The following PGC variants were observed in gnomAD, a reference collection of about 807,000 sequenced individuals.
The protein encoded by PGC is gastricsin.
Under a neutral mutation model 45.9 loss-of-function variants are expected in PGC, and 31 were observed. The observed-to-expected ratio is 0.67, with a 90% CI of 0.51 to 0.91. PGC has a LOEUF of 0.91. Ranked by LOEUF, PGC falls within the 40% of genes least tolerant of loss-of-function variation. The pLI, the probability that PGC is intolerant of heterozygous loss-of-function variation, is 0.00. For synonymous variants in PGC, 192 were observed against 201.8 expected (o/e 0.95, Z 0.41); for missense variants, 477 against 493.2 (o/e 0.97, Z 0.31).
intron 5 of PGC, among the ~76,000 whole-genome samples, chr6:41,741,537 T>C (rs768685737): frequency 2.4e-4 from 37 of 152,096 alleles, no homozygotes; most frequent in Non-Finnish European, 3.4e-4. Flanking sequence ...TCCCAGCTAC[T>C]TGGGAGGCTG....
chr6:41,744,383 A>G lies in PGC; in HGVS notation c.328+14T>C. On this transcript the variant is annotated intron_variant, in intron 3 of 8. Transcript: ENST00000373025. The surrounding 1 kb of genome is among the most constrained non-coding windows in gnomAD (Gnocchi z 4.4). ...CCCTGCCAACCACCCCTCTCTGCCC[A>G]GCCCAGCACTCACTGCAGGCCTGGC... is the stretch of plus-strand genomic sequence containing the variant. The G allele has an allele frequency of 6.4e-7, 1 of 1,574,498 alleles. No homozygotes were observed. The highest frequency in any genetic ancestry group is 8.7e-7 in the Non-Finnish European group (1 of 1,149,624).
At chr6:41,741,980 C>A in intron 5 of PGC, 1 of 708,498 alleles carries the variant, frequency 1.4e-6, no homozygotes. Context: ...CCAAGGGGTG[C>A]TGAGAATCAG....
rs542963177 is a variant in PGC at position 41,740,582 on chromosome 6, C to A, written c.676G>T (p.Val226Phe). The A allele has an allele frequency of 3.7e-6, 6 of 1,603,928 alleles. No homozygotes were observed. The highest frequency in any genetic ancestry group is 1.7e-4 in the Middle Eastern group (1 of 6,010). ...AGGCTGCTATCCACACCCCCAAAGA[C>A]AACCGCTCCCCCGCTGGAGCCCTGC... is the stretch of plus-strand genomic sequence containing the variant. ...NQQGSSGGAVVFGGVDSSLYT... is the reference protein window; with the variant it reads ...NQQGSSGGAVFFGGVDSSLYT... Residue 226 changes from valine to phenylalanine, a missense_variant, in exon 6 of 9, where the codon GTC (valine) becomes TTC (phenylalanine). By Grantham distance (50) the Val-to-Phe change is conservative. Coordinates refer to ENST00000373025, the MANE Select transcript of PGC (RefSeq NM_002630.4).
Position 41,744,450 on chromosome 6 carries a change from G to T in PGC, c.275C>A (p.Thr92Asn). Reference protein sequence around the residue: ...PPQNFLVLFDTGSSNLWVPSV... With the variant: ...PPQNFLVLFDNGSSNLWVPSV... Reference sequence around the variant, plus strand: ...GGGCACCCACAAGTTGGAGGAGCCGGTGTCAAAAAGGACCAGGAAGTTCTG... The same window carrying T: ...GGGCACCCACAAGTTGGAGGAGCCGTTGTCAAAAAGGACCAGGAAGTTCTG... Residue 92 changes from threonine to asparagine, a missense_variant, in exon 3 of 9, where the codon ACC (threonine) becomes AAC (asparagine). Thr to Asn is a moderately conservative substitution (Grantham distance 65). Coordinates refer to ENST00000373025, the MANE Select transcript of PGC (RefSeq NM_002630.4). This position sits in a 1 kb window ranked among gnomAD's most constrained non-coding sequence, Gnocchi z 4.4. 6.2e-7 allele frequency: 1 copy of T among 1,613,612 alleles called. No individual in the cohort carries two copies. Among genetic ancestry groups the T allele is most frequent in the Non-Finnish European group, 8.5e-7 (1 of 1,179,948 alleles).
chr6:41,741,212 G>C (rs1480915079), intron 5 of PGC: 16 of 1,498,544 alleles, frequency 1.1e-5, no homozygotes, highest in Non-Finnish European at 1.2e-5. Context: ...GGAGTGTGGA[G>C]CTGGGTGGAG....
At chr6:41,737,195 GGCT>G (rs1771701478) in intron 8 of PGC, among the ~76,000 whole-genome samples, 191 bp from the exon 9 acceptor site, 1 of 152,180 alleles carries the variant, frequency 6.6e-6, no homozygotes, top group Non-Finnish European at 1.5e-5. Flanking sequence ...GGTACATTCA[GGCT>G]GCCGTGGTCC....
intron 5 of PGC, 118 bp downstream of exon 5, chr6:41,742,172 G>A: frequency 1.1e-6 from 1 of 913,562 alleles, no homozygotes. Context: ...AGACTGACTG[G>A]AGCCAGATGC....
intron 5 of PGC, among the ~76,000 whole-genome samples, chr6:41,742,005 G>A (rs1233354193): frequency 1.3e-5 from 2 of 152,224 alleles, no homozygotes; most frequent in African/African-American, 4.8e-5. Flanking sequence ...GCAAAACTCA[G>A]GGCAAAGTTC....
chr6:41,741,832 T>C, intron 5 of PGC: 1 of 1,535,930 alleles, frequency 6.5e-7, no homozygotes, highest in Non-Finnish European at 8.7e-7. Context: ...ACCAGAAGAC[T>C]CCAGGACCAG....
chr6:41,737,668 C>G lies in PGC; in HGVS notation c.1014+62G>C, dbSNP rs1183539771. 6 of 979,432 alleles carry G rather than the reference C, an allele frequency of 6.1e-6. No homozygotes were observed. In the East Asian group the frequency reaches 1.4e-4, roughly 24 times the overall value. 60.7% of individuals were successfully genotyped at this position (979,432 alleles called of 1,614,324 possible). A position where few individuals can be genotyped will look rare whatever the true frequency, so the allele number is the denominator to read the frequency against. On this transcript the variant is annotated intron_variant, in intron 8 of 8. Coordinates refer to ENST00000373025, the MANE Select transcript of PGC (RefSeq NM_002630.4). ...AAGGCAGGAGACCCAGCATTTCTGG[C>G]TCCCCAGCCCTTCCTCCCAACCCCA...
At chr6:41,740,717 G>T in intron 5 of PGC, 107 bp from the exon 6 acceptor site, 1 of 1,485,566 alleles carries the variant, frequency 6.7e-7, no homozygotes, top group East Asian at 2.4e-5. Context: ...TGATCCAGAC[G>T]GGGGCTCCCT....
intron 7 of PGC, among the ~76,000 whole-genome samples, chr6:41,738,938 CGACA>C (rs778531226): frequency 1.1e-4 from 17 of 151,424 alleles, no homozygotes; most frequent in Non-Finnish European, 1.6e-4. Context: ...CCAGCCTGGG[CGACA>C]GAGAGAGACT....
At position 41,744,425 on chromosome 6, in the gene PGC, G is replaced by A. The variant is rs778397743; in HGVS notation, c.300C>T (p.Pro100=). 6.3e-5 allele frequency: 102 copies of A among 1,612,714 alleles called. No individual in the cohort carries two copies. Among genetic ancestry groups the A allele is most frequent in the Non-Finnish European group, 8.4e-5 (99 of 1,179,762 alleles). ...FDTGSSNLWV[P]SVYCQSQACT... ...AGGCCTGGCTCTGGCAGTAGACAGA[G>A]GGCACCCACAAGTTGGAGGAGCCGG... The change falls in exon 3 of 9, where the codon CCC becomes CCT. Residue 100 remains proline, a synonymous_variant. Coordinates refer to ENST00000373025, the MANE Select transcript of PGC (RefSeq NM_002630.4). This position sits in a 1 kb window ranked among gnomAD's most constrained non-coding sequence, Gnocchi z 4.4.
chr6:41,737,804 G>T lies in PGC; in HGVS notation c.940C>A (p.Gln314Lys). 6.2e-7 allele frequency: 1 copy of T among 1,611,708 alleles called. No individual in the cohort carries two copies. Among genetic ancestry groups the T allele is most frequent in the South Asian group, 1.1e-5 (1 of 91,022 alleles). The change falls in exon 8 of 9, where the codon CAG becomes AAG. Residue 314 changes from glutamine (Q) to lysine (K), a missense_variant. Coordinates refer to ENST00000373025, the MANE Select transcript of PGC (RefSeq NM_002630.4). ...GQFLVNCNSI[Q>K]NLPSLTFIIN... ...ATGAAGGTCAAGCTGGGCAGATTCTGAATGCTGTTACAGTTCACGAGAAAC... is the reference window on the plus strand; with the variant it reads ...ATGAAGGTCAAGCTGGGCAGATTCTTAATGCTGTTACAGTTCACGAGAAAC...
Position 41,742,312 on chromosome 6 carries a change from C to T in PGC, c.625G>A (p.Val209Ile), listed in dbSNP as rs200142511. Residue 209 changes from valine (V) to isoleucine (I), a missense_variant, in exon 5 of 9, where the codon GTC becomes ATC. Val to Ile is a conservative substitution (Grantham distance 29). Transcript: ENST00000373025. ...CACTTGCTGAGGTAGACGCTGAAGA[C>T]GGGGCTGGTGAGGGCGCCCTCCTGC... The part of the protein sequence containing the change: ...MVQEGALTSP[V>I]FSVYLSNQQG... The T allele has an allele frequency of 5.9e-5, 96 of 1,613,960 alleles. 1 individual carries two copies. The highest frequency in any genetic ancestry group is 4.0e-4 in the Admixed American group (24 of 60,028).
At chr6:41,743,417 C>A (rs1453721789) in intron 3 of PGC, 28 bp from the exon 4 acceptor site, 1 of 1,439,412 alleles carries the variant, frequency 6.9e-7, no homozygotes, top group South Asian at 1.1e-5. Context: ...CATGGGGAGT[C>A]AGGCCGGCTG....
At chr6:41,742,099 G>A (rs891709392) in intron 5 of PGC, among the ~76,000 whole-genome samples, 191 bp downstream of exon 5, 9 of 152,178 alleles carry the variant, frequency 5.9e-5, no homozygotes, top group Non-Finnish European at 1.3e-4. Flanking sequence ...TGCAGGGATG[G>A]GGTGTGGTCG....
Position 41,744,911 on chromosome 6 carries a change from G to A in PGC, c.60-103C>T, listed in dbSNP as rs984364311. ...CTTAACTGCATGCTTCAACCTCCCT[G>A]CCACTCTGTTTGTTCCCCCTTGTCT... On this transcript the variant is annotated intron_variant, in intron 1 of 8. Coordinates refer to ENST00000373025, the MANE Select transcript of PGC (RefSeq NM_002630.4). The surrounding 1 kb of genome is among the most constrained non-coding windows in gnomAD (Gnocchi z 4.4). 18 of 1,017,308 alleles carry A rather than the reference G, an allele frequency of 1.8e-5. No individual in the cohort carries two copies. The highest frequency in any genetic ancestry group is 1.3e-4 in the Admixed American group (6 of 46,086). The allele number at this position is 1,017,308 out of a possible 1,614,324, so 63.0% of individuals were successfully genotyped here. A position where few individuals can be genotyped will look rare whatever the true frequency, so the allele number is the denominator to read the frequency against.
At chr6:41,747,158 C>G in intron 1 of PGC, 118 bp downstream of exon 1, 1 of 819,752 alleles carries the variant, frequency 1.2e-6, no homozygotes, top group South Asian at 1.5e-5. Context: ...GACTTCCCTT[C>G]CCCTAGCAGA....
Sources: allele counts gnomAD v4.1 joint callset (sites outside exome capture counted in the v4.1 genomes callset), GRCh38; gene constraint gnomAD v4.1.1; non-coding constraint Gnocchi (gnomAD v3.1); transcripts MANE v1.5; gene names NCBI Gene and HGNC (gene_info 2026-07-23, HGNC 2026-07-21).